PIM2: variants seen among roughly 807,000 people sequenced by gnomAD.
PIM2 encodes serine/threonine-protein kinase pim-2.
In PIM2, 3 loss-of-function variants were observed where a neutral mutation model predicts 18.0. That is an observed-to-expected ratio of 0.17 (90% CI 0.08 to 0.43). The LOEUF is 0.43. Among genes scored for constraint, PIM2 ranks in the 20% least tolerant of loss-of-function variants. The pLI is 0.99. For missense variants in PIM2, 181 were observed against 260.8 expected (o/e 0.69, Z 2.11); for synonymous variants, 117 against 105.3 (o/e 1.11, Z -0.68).
intron 3 of PIM2, among the ~76,000 whole-genome samples, chrX:48,917,023 T>C (rs1431735780): frequency 9.2e-6 from 1 of 109,094 alleles, no homozygotes; most frequent in Non-Finnish European, 1.9e-5. Flanking sequence ...GGCATGGTTG[T>C]GCGCTCCTGT....
chrX:48,918,454 C>T (rs1397281609), intron 2 of PIM2, 82 bp downstream of exon 2: 2 of 662,196 alleles, frequency 3.0e-6, no homozygotes, highest in Non-Finnish European at 4.6e-6. Flanking sequence ...AGGCTCACTC[C>T]TCGGTCAACC....
chrX:48,917,338 C>T (rs2063565858), intron 3 of PIM2, among the ~76,000 whole-genome samples: 1 of 111,752 alleles, frequency 8.9e-6, no homozygotes, highest in African/African-American at 3.3e-5. Flanking sequence ...ACCGATATTG[C>T]GCAGGCGCAC....
intron 2 of PIM2, 147 bp downstream of exon 2, chrX:48,918,389 T>TCGGACA (rs1359508681): frequency 3.0e-5 from 10 of 330,421 alleles, no homozygotes; most frequent in African/African-American, 6.7e-5. Context: ...GGCTCACTCC[T>TCGGACA]CGGACACGGA....
intron 3 of PIM2, 23 bp downstream of exon 3, chrX:48,917,758 G>A: frequency 1.7e-6 from 2 of 1,181,180 alleles, no homozygotes; most frequent in Non-Finnish European, 2.3e-6. Flanking sequence ...AGGTAGGTTA[G>A]GAAGGGCTCC....
At position 48,913,917 on chromosome X, in the gene PIM2, G is replaced by GA. The variant is rs2063555923; in HGVS notation, c.*213dup. 3.0e-6 allele frequency: 1 copy of GA among 338,913 alleles called. No homozygotes were observed. Among genetic ancestry groups the GA allele is most frequent in the African/African-American group, 2.7e-5 (1 of 36,472 alleles). The allele number at this position is 338,913 out of a possible 1,213,427, so 27.9% of individuals were successfully genotyped here. On this transcript the variant is annotated 3_prime_UTR_variant, in exon 6 of 6. Coordinates refer to ENST00000376509, the MANE Select transcript of PIM2 (RefSeq NM_006875.4). ...CAGAATCAGGGACCACAGGTTCTGG[G>GA]AGGAAGGCTCCTTTGTAGGATTGGG...
In PIM2 at chrX:48,917,458, G is replaced by A. The variant is rs370567970; in HGVS notation, c.222+323C>T. Among the ~76,000 whole-genome samples the A allele has an allele frequency of 3.5e-5, 4 of 113,410 alleles. No individual in the cohort carries two copies. In the East Asian group the frequency reaches 1.1e-3, roughly 32 times the overall value. ...CAGACCCGCCCTGATGTCCGTTAGCGTTATAACGGCAAGAGAGAAGCAGCC... is the reference window on the plus strand; with the variant it reads ...CAGACCCGCCCTGATGTCCGTTAGCATTATAACGGCAAGAGAGAAGCAGCC... On this transcript the variant is annotated intron_variant, in intron 3 of 5. Coordinates refer to ENST00000376509, the MANE Select transcript of PIM2 (RefSeq NM_006875.4).
Position 48,913,989 on chromosome X carries a change from C to T in PIM2, c.*142G>A, listed in dbSNP as rs1557044895. On this transcript the variant is annotated 3_prime_UTR_variant, in exon 6 of 6. Transcript: ENST00000376509. ...TTTATGTCTTCTAACCCCTGATCCT[C>T]AATCCCTTACCTTAGTAATACTGGA... The T allele has an allele frequency of 4.6e-6, 2 of 431,325 alleles. No homozygotes were observed. The highest frequency in any genetic ancestry group is 4.3e-5 in the South Asian group (1 of 23,144). The allele number at this position is 431,325 out of a possible 1,213,427, so 35.5% of individuals were successfully genotyped here.
In PIM2 at chrX:48,918,840, T is replaced by A. The variant is rs377087409; in HGVS notation, c.-6A>T. ...TGTAGAGGCTTGGTCAACATGGAGG[T>A]GGCGCTGCGCAGATTGAGCCCACTG... On this transcript the variant is annotated 5_prime_UTR_variant, in exon 1 of 6. Transcript: ENST00000376509. 5.0e-6 allele frequency: 6 copies of A among 1,191,178 alleles called. No individual in the cohort carries two copies. The highest frequency in any genetic ancestry group is 6.8e-6 in the Non-Finnish European group (6 of 888,299).
At position 48,913,554 on chromosome X, in the gene PIM2, C is replaced by CAAAAAA. The variant is rs34080117; in HGVS notation, c.*571_*576dup. The CAAAAAA allele has an allele frequency of 1.6e-5, 1 of 62,290 alleles. No individual in the cohort carries two copies. The highest frequency in any genetic ancestry group is 2.8e-5 in the Non-Finnish European group (1 of 35,210). 5.1% of individuals were successfully genotyped at this position (62,290 alleles called of 1,213,427 possible). ...GATAACAGAGTAGGGTCCCCTCACC[C>CAAAAAA]AAAAAAAAAAAAAAAAAAAAGAAGC... On this transcript the variant is annotated 3_prime_UTR_variant, in exon 6 of 6. Coordinates refer to ENST00000376509, the MANE Select transcript of PIM2 (RefSeq NM_006875.4).
intron 3 of PIM2, among the ~76,000 whole-genome samples, 157 bp downstream of exon 3, chrX:48,917,624 G>GA (rs781928339): frequency 2.7e-5 from 3 of 112,787 alleles, no homozygotes; most frequent in Admixed American, 1.9e-4. Context: ...GAATTGGGGT[G>GA]AATCAGAACT....
Position 48,915,033 on chromosome X carries a change from G to A in PIM2, c.582C>T (p.Tyr194=), listed in dbSNP as rs782239792. 1 of 1,205,499 alleles carries A rather than the reference G, an allele frequency of 8.3e-7. No homozygotes were observed. Among genetic ancestry groups the A allele is most frequent in the South Asian group, 1.8e-5 (1 of 56,276 alleles). ...GSGALLHDEP[Y]TDFDGTRVYS... ...GAGAAGCCTTACCATCAAAGTCAGT[G>A]TAGGGTTCATCATGAAGCAGGGCAC... The change falls in exon 4 of 6, where the codon TAC becomes TAT. Residue 194 remains tyrosine (Y), a synonymous_variant. Coordinates refer to ENST00000376509, the MANE Select transcript of PIM2 (RefSeq NM_006875.4).
In PIM2 at chrX:48,914,274, G is replaced by A. The variant is rs782498335; in HGVS notation, c.793C>T (p.Arg265Trp). 1.2e-5 allele frequency: 14 copies of A among 1,209,591 alleles called. No individual in the cohort carries two copies. The highest frequency in any genetic ancestry group is 1.7e-5 in the African/African-American group (1 of 57,658). ...GAAGAAGGTTTGGGGGCCAGGCACC[G>A]GCGGATTAGGGCACAGCAGTCTGTA... ...VSPDCCALIRRCLAPKPSSRP... is the reference protein window; with the variant it reads ...VSPDCCALIRWCLAPKPSSRP... Residue 265 changes from arginine to tryptophan, a missense_variant, in exon 6 of 6, where the codon CGG (arginine) becomes TGG (tryptophan). By Grantham distance (101) the Arg-to-Trp change is moderately radical (BLOSUM62 -3). Around this residue, in one of 5 missense-constraint regions of PIM2, gnomAD observed 41 missense variants for 52.0 expected, o/e 0.79. Transcript: ENST00000376509.
chrX:48,915,969 ATG>A lies in PIM2; in HGVS notation c.223-579_223-578del, dbSNP rs782278737. 2.4e-3 allele frequency among the ~76,000 whole-genome samples: 276 copies of A among 112,690 alleles called. 3 individuals are homozygous for A. Among genetic ancestry groups the A allele is most frequent in the African/African-American group, 8.4e-3 (261 of 31,032 alleles). On this transcript the variant is annotated intron_variant, in intron 3 of 5. Coordinates refer to ENST00000376509, the MANE Select transcript of PIM2 (RefSeq NM_006875.4). ...TTTCAGCAGAAGCAGCACCACCATTATGTGTTTTGTTTTGTTCCCTGACATAT... is the reference window on the plus strand; with the variant it reads ...TTTCAGCAGAAGCAGCACCACCATTATGTTTTGTTTTGTTCCCTGACATAT...
At chrX:48,917,042 C>G (rs2063564810) in intron 3 of PIM2, among the ~76,000 whole-genome samples, 1 of 110,186 alleles carries the variant, frequency 9.1e-6, no homozygotes. Flanking sequence ...GTAGTCCCAG[C>G]TACTTGGGAG....
At chrX:48,916,787 G>A (rs1186006180) in intron 3 of PIM2, among the ~76,000 whole-genome samples, 3 of 110,042 alleles carry the variant, frequency 2.7e-5, no homozygotes, top group Non-Finnish European at 3.8e-5. Context: ...GGTGGAGGCT[G>A]CAGTGAGCTG....
intron 2 of PIM2, among the ~76,000 whole-genome samples, 153 bp from the exon 3 acceptor site, chrX:48,917,984 C>G (rs1459612632): frequency 9.1e-6 from 1 of 110,123 alleles, no homozygotes; most frequent in Non-Finnish European, 1.9e-5. Context: ...CGTACCAGGG[C>G]GTCTCCCCTG....
intron 3 of PIM2, among the ~76,000 whole-genome samples, chrX:48,915,991 A>G (rs2063561925): frequency 8.9e-6 from 1 of 112,918 alleles, no homozygotes; most frequent in South Asian, 3.6e-4. Context: ...TTGTTCCCTG[A>G]CATATCCCAG....
At position 48,914,106 on chromosome X, in the gene PIM2, G is replaced by A; in HGVS notation, c.*25C>T. 1 of 974,658 alleles carries A rather than the reference G, an allele frequency of 1.0e-6. No individual in the cohort carries two copies. Among genetic ancestry groups the A allele is most frequent in the Non-Finnish European group, 1.4e-6 (1 of 722,665 alleles). The allele number at this position is 974,658 out of a possible 1,213,427, so 80.3% of individuals were successfully genotyped here. A position where few individuals can be genotyped will look rare whatever the true frequency, so the allele number is the denominator to read the frequency against. Reference sequence around the variant, plus strand: ...CATGGGATGGCTCTTCTGACCATTGGGGGCCAGGCCAGGCCAGGCCAGGCT... The same window carrying A: ...CATGGGATGGCTCTTCTGACCATTGAGGGCCAGGCCAGGCCAGGCCAGGCT... On this transcript the variant is annotated 3_prime_UTR_variant, in exon 6 of 6. Transcript: ENST00000376509.
rs1424090003 is a variant in PIM2 at position 48,913,288 on chromosome X, A to G, written c.*843T>C. The G allele has an allele frequency of 9.0e-6, 1 of 111,073 alleles. No homozygotes were observed. Among genetic ancestry groups the G allele is most frequent in the Admixed American group, 9.6e-5 (1 of 10,366 alleles). The allele number at this position is 111,073 out of a possible 1,213,427, so 9.2% of individuals were successfully genotyped here. A position where few individuals can be genotyped will look rare whatever the true frequency, so the allele number is the denominator to read the frequency against. Reference sequence around the variant, plus strand: ...CACACTTGGAACTCCCCTCCCCACAATACGTGATTATTTACATTTTAGTAA... The same window carrying G: ...CACACTTGGAACTCCCCTCCCCACAGTACGTGATTATTTACATTTTAGTAA... On this transcript the variant is annotated 3_prime_UTR_variant, in exon 6 of 6. Coordinates refer to ENST00000376509, the MANE Select transcript of PIM2 (RefSeq NM_006875.4).
Sources: allele counts gnomAD v4.1 joint callset (sites outside exome capture counted in the v4.1 genomes callset), GRCh38; gene constraint gnomAD v4.1.1; regional missense constraint gnomAD v4.1.1; transcripts MANE v1.5; gene names NCBI Gene and HGNC (gene_info 2026-07-23, HGNC 2026-07-21).